GPC5: variants seen among roughly 807,000 people sequenced by gnomAD.
GPC5 encodes glypican-5.
Under a neutral mutation model 53.9 loss-of-function variants are expected in GPC5, and 47 were observed. That is an observed-to-expected ratio of 0.87 (90% CI 0.69 to 1.11). The LOEUF is 1.11. Ranked by LOEUF, GPC5 falls within the 50% of genes most tolerant of loss-of-function variation. The pLI, the probability that GPC5 is intolerant of heterozygous loss-of-function variation, is 0.00. For missense variants in GPC5, 748 were observed against 713.1 expected, an observed-to-expected ratio of 1.05 and a Z score of -0.56; for synonymous variants, 286 against 263.3, an observed-to-expected ratio of 1.09 and a Z score of -0.84.
At position 92,542,638 on chromosome 13, in the gene GPC5, T is replaced by A. The variant is rs551017253; in HGVS notation, c.1562-323644T>A. On this transcript the variant is annotated intron_variant, in intron 7 of 7. Transcript: ENST00000377067. ...ATTATTGTCTTTTCCCTTCCAGATGTAAGACTCACTTGCGCGTTTCTTGTA... is the reference window on the plus strand; with the variant it reads ...ATTATTGTCTTTTCCCTTCCAGATGAAAGACTCACTTGCGCGTTTCTTGTA... Among the ~76,000 whole-genome samples, 7 of 152,190 alleles carry A rather than the reference T, an allele frequency of 4.6e-5. No homozygotes were observed. In the South Asian group the frequency reaches 1.5e-3, roughly 32 times the overall value.
chr13:91,972,489 GT>G (rs2040253147), intron 6 of GPC5, among the ~76,000 whole-genome samples: 1 of 152,184 alleles, frequency 6.6e-6, no homozygotes, highest in African/African-American at 2.4e-5. Context: ...ATTGTTATGT[GT>G]GAATTTGATC....
intron 5 of GPC5, among the ~76,000 whole-genome samples, chr13:91,820,999 G>A (rs1179688119): frequency 2.7e-5 from 4 of 150,294 alleles, no homozygotes; most frequent in South Asian, 2.1e-4. Flanking sequence ...AAAAAAAAAA[G>A]AATGTACTTC....
At chr13:92,799,099 CA>C (rs1227076569) in intron 7 of GPC5, among the ~76,000 whole-genome samples, 2 of 151,262 alleles carry the variant, frequency 1.3e-5, no homozygotes, top group Admixed American at 1.3e-4. Flanking sequence ...TTTAATGAAA[CA>C]AAAGTCACTC....
chr13:91,453,304 A>C (rs1881313792), intron 2 of GPC5, among the ~76,000 whole-genome samples: 1 of 151,992 alleles, frequency 6.6e-6, no homozygotes, highest in East Asian at 1.9e-4. Flanking sequence ...TTTATCCTTT[A>C]TGCTAACAGA....
At chr13:92,837,409 C>T (rs1469720374) in intron 7 of GPC5, among the ~76,000 whole-genome samples, 1 of 152,066 alleles carries the variant, frequency 6.6e-6, no homozygotes, top group Admixed American at 6.6e-5. Flanking sequence ...ACAATTCAGA[C>T]AGGGGAAGGT....
At chr13:91,503,903 A>G (rs959016681) in intron 2 of GPC5, among the ~76,000 whole-genome samples, 8 of 151,204 alleles carry the variant, frequency 5.3e-5, no homozygotes, top group African/African-American at 1.9e-4. Flanking sequence ...ATTCACAGAA[A>G]AAGAAGACTA....
chr13:92,061,697 C>T (rs1465378679), intron 6 of GPC5, among the ~76,000 whole-genome samples: 3 of 151,888 alleles, frequency 2.0e-5, no homozygotes, highest in African/African-American at 7.3e-5. Context: ...AACAGTCATG[C>T]TGTCTTGGGG....
intron 6 of GPC5, among the ~76,000 whole-genome samples, chr13:91,999,235 A>T (rs1217132877): frequency 6.6e-6 from 1 of 151,982 alleles, no homozygotes; most frequent in Admixed American, 6.6e-5. Flanking sequence ...GCTATGAAAC[A>T]TACTCCAGTA....
intron 7 of GPC5, among the ~76,000 whole-genome samples, chr13:92,479,353 G>A (rs1442695514): frequency 6.6e-6 from 1 of 152,156 alleles, no homozygotes; most frequent in African/African-American, 2.4e-5. Flanking sequence ...ATAGAAGCAA[G>A]CGATAAACTT....
rs995907354 is a variant in GPC5, at chr13:91,647,033, A to C, written c.326-46154A>C. On this transcript the variant is annotated intron_variant, in intron 2 of 7. Transcript: ENST00000377067. ...AACAAGGTAATGAAATAAAATATTTATAAGAGAAACAACTTGCTAAGGATA... is the reference window on the plus strand; with the variant it reads ...AACAAGGTAATGAAATAAAATATTTCTAAGAGAAACAACTTGCTAAGGATA... Among the ~76,000 whole-genome samples, 6 of 152,138 alleles carry C rather than the reference A, an allele frequency of 3.9e-5. No individual in the cohort carries two copies. In the South Asian group the frequency reaches 1.2e-3, roughly 32 times the overall value.
At chr13:92,243,059 T>A (rs2042625293) in intron 7 of GPC5, among the ~76,000 whole-genome samples, 1 of 152,230 alleles carries the variant, frequency 6.6e-6, no homozygotes, top group South Asian at 2.1e-4. Context: ...ACATTAAAAC[T>A]TAAATTTTCC....
At chr13:92,628,197 T>C (rs1413190) in intron 7 of GPC5, among the ~76,000 whole-genome samples, 9,815 of 151,192 alleles carry the variant, frequency 0.065, 966 homozygotes, top group African/African-American at 0.21. Flanking sequence ...AAAGAAACTA[T>C]ATATCAGGTC....
intron 7 of GPC5, among the ~76,000 whole-genome samples, chr13:92,575,324 T>G (rs1883156731): frequency 6.6e-6 from 1 of 152,096 alleles, no homozygotes; most frequent in Non-Finnish European, 1.5e-5. Flanking sequence ...TTTTTATAAT[T>G]AAAAGAAAAG....
At chr13:92,558,257 G>A (rs1202526923) in intron 7 of GPC5, among the ~76,000 whole-genome samples, 6 of 151,856 alleles carry the variant, frequency 4.0e-5, no homozygotes, top group Non-Finnish European at 8.8e-5. Context: ...ATATAGACTT[G>A]GACTATAAAT....
Position 92,415,484 on chromosome 13 carries a change from A to G in GPC5, c.1561+270495A>G, listed in dbSNP as rs531712729. Among the ~76,000 whole-genome samples, 7 of 152,302 alleles carry G rather than the reference A, an allele frequency of 4.6e-5. No homozygotes were observed. The South Asian group carries it at 6.2e-4, about 14-fold the overall frequency. Reference sequence around the variant, plus strand: ...GAGTTTAGGAATTATCCTACCTTCTATGACTGGATCCATGAATTCACTCTT... The same window carrying G: ...GAGTTTAGGAATTATCCTACCTTCTGTGACTGGATCCATGAATTCACTCTT... On this transcript the variant is annotated intron_variant, in intron 7 of 7. Coordinates refer to ENST00000377067, the MANE Select transcript of GPC5 (RefSeq NM_004466.6).
Position 91,908,038 on chromosome 13 carries a change from A to T in GPC5, c.1382A>T (p.Lys461Ile). Residue 461 changes from lysine (K) to isoleucine (I), a missense_variant, in exon 6 of 8, where the codon AAA becomes ATA. Transcript: ENST00000377067. ...CCTGTGATAAATCAGATTATTGATA[A>T]ACTGAAGCATGTTGTTCAGGTAAGT... ...IDPVINQIID[K>I]LKHVVQLLQG... 6.3e-7 allele frequency: 1 copy of T among 1,587,356 alleles called. No homozygotes were observed. The highest frequency in any genetic ancestry group is 8.5e-7 in the Non-Finnish European group (1 of 1,174,122).
At chr13:91,529,868 A>G (rs1010659076) in intron 2 of GPC5, among the ~76,000 whole-genome samples, 1 of 152,006 alleles carries the variant, frequency 6.6e-6, no homozygotes, top group African/African-American at 2.4e-5. Context: ...CTCGGTCACA[A>G]GTGGGTCTGA....
intron 7 of GPC5, among the ~76,000 whole-genome samples, chr13:92,275,270 T>C (rs890658739): frequency 2.0e-5 from 3 of 152,172 alleles, no homozygotes; most frequent in Non-Finnish European, 4.4e-5. Context: ...TTTTCTAATA[T>C]TTTGAAATCT....
intron 1 of GPC5, among the ~76,000 whole-genome samples, chr13:91,415,437 C>T (rs900466173): frequency 2.0e-5 from 3 of 152,130 alleles, no homozygotes; most frequent in Admixed American, 6.6e-5. Context: ...GCAGACCTTT[C>T]ACAACTCCCA....
Sources: gnomAD v4.1 joint callset for allele counts (sites outside exome capture counted in the v4.1 genomes callset) on GRCh38, gnomAD v4.1.1 for gene constraint, MANE v1.5 for transcripts, NCBI Gene and HGNC (gene_info 2026-07-23, HGNC 2026-07-21) for gene names.